LRBA: variants seen among roughly 807,000 people sequenced by gnomAD.
LRBA encodes the protein LPS responsive beige-like anchor protein, also known as lipopolysaccharide-responsive and beige-like anchor protein.
LRBA carries 176 observed loss-of-function variants against 330.0 expected under a neutral mutation model. That is an observed-to-expected ratio of 0.53 (90% CI 0.47 to 0.60). The LOEUF (loss-of-function observed/expected upper bound fraction) is 0.60, where lower values mean the gene tolerates loss of function less well. LRBA is among the 20% of genes least tolerant of loss of function. The pLI is 0.00. For synonymous variants in LRBA, 1,230 were observed against 1,193.0 expected (o/e 1.03, Z -0.64); for missense variants, 3,259 against 3,444.8 (o/e 0.95, Z 1.35).
chr4:150,653,192 T>C (rs897255240), intron 37 of LRBA, among the ~76,000 whole-genome samples: 2 of 152,046 alleles, frequency 1.3e-5, no homozygotes, highest in Admixed American at 1.3e-4. Context: ...AAAATAAACT[T>C]TCTCTCATCA....
At chr4:150,963,302 C>G (rs1738384099) in intron 2 of LRBA, among the ~76,000 whole-genome samples, 1 of 149,222 alleles carries the variant, frequency 6.7e-6, no homozygotes, top group Non-Finnish European at 1.5e-5. Flanking sequence ...TCTCCTGCCT[C>G]AGCCTGCCGA....
intron 47 of LRBA, among the ~76,000 whole-genome samples, chr4:150,380,178 T>C (rs1201435497): frequency 7.3e-6 from 1 of 137,628 alleles, no homozygotes; most frequent in Non-Finnish European, 1.6e-5. Context: ...AAACTCTGTC[T>C]CAAAAAAACA....
At chr4:150,435,797 A>C in intron 45 of LRBA, 89 bp from the exon 46 acceptor site, 20 of 888,134 alleles carry the variant, frequency 2.3e-5, no homozygotes, top group Non-Finnish European at 3.4e-5. Flanking sequence ...TACTTTAATG[A>C]CTAATAGGCA....
chr4:150,896,601 T>A (rs747207731), intron 15 of LRBA, 145 bp from the exon 16 acceptor site: 6 of 495,044 alleles, frequency 1.2e-5, no homozygotes, highest in Admixed American at 4.1e-5. Context: ...AAACAAAAAT[T>A]TGGGGAAGCA....
chr4:150,382,440 A>G (rs1742409376), intron 47 of LRBA, among the ~76,000 whole-genome samples: 1 of 152,064 alleles, frequency 6.6e-6, no homozygotes, highest in South Asian at 2.1e-4. Flanking sequence ...CCTAGCCAAC[A>G]CGGTGAAACC....
intron 56 of LRBA, among the ~76,000 whole-genome samples, chr4:150,270,160 T>C (rs1745875611): frequency 6.6e-6 from 1 of 152,162 alleles, no homozygotes; most frequent in Non-Finnish European, 1.5e-5. Flanking sequence ...ACTTTAGGGT[T>C]TCCTCAAAAA....
At chr4:150,622,856 C>A (rs6849364) in intron 37 of LRBA, among the ~76,000 whole-genome samples, 9,863 of 152,068 alleles carry the variant, frequency 0.065, 536 homozygotes, top group East Asian at 0.18. Context: ...CGCCACCGCG[C>A]CCAGCTAATT....
intron 22 of LRBA, among the ~76,000 whole-genome samples, chr4:150,863,840 A>G (rs1752312100): frequency 1.3e-5 from 2 of 152,216 alleles, no homozygotes; most frequent in Admixed American, 1.3e-4. Flanking sequence ...TTTTGTATAT[A>G]GGGAACTCAA....
chr4:150,970,049 G>C lies in LRBA; in HGVS notation c.217-40984C>G, dbSNP rs184153501. ...TTTAACAACTTTTCACAGCCACTGA[G>C]CAACCACCACCCTGATCGAGGCAAA... On this transcript the variant is annotated intron_variant, in intron 2 of 56. Transcript: ENST00000651943. Among the ~76,000 whole-genome samples the C allele has an allele frequency of 2.0e-5, 3 of 152,288 alleles. No individual in the cohort carries two copies. In the East Asian group the frequency reaches 5.8e-4, roughly 29 times the overall value.
intron 2 of LRBA, among the ~76,000 whole-genome samples, chr4:150,972,197 A>G (rs903444148): frequency 2.0e-5 from 3 of 152,164 alleles, no homozygotes; most frequent in African/African-American, 4.8e-5. Flanking sequence ...TTTCTTTTAA[A>G]ATTTCAAATT....
At chr4:150,995,216 G>T (rs997219426) in intron 2 of LRBA, among the ~76,000 whole-genome samples, 1 of 152,044 alleles carries the variant, frequency 6.6e-6, no homozygotes, top group Non-Finnish European at 1.5e-5. Context: ...GAGATTCTGG[G>T]TTGGAAGAGA....
At chr4:150,991,329 A>G (rs1371899881) in intron 2 of LRBA, among the ~76,000 whole-genome samples, 6 of 152,158 alleles carry the variant, frequency 3.9e-5, no homozygotes, top group African/African-American at 1.4e-4. Context: ...CATTTACCAT[A>G]CCAAGCACAC....
chr4:150,640,308 ACATCATACCTC>A (rs1284643802), intron 37 of LRBA, among the ~76,000 whole-genome samples: 21 of 152,178 alleles, frequency 1.4e-4, no homozygotes, highest in African/African-American at 4.3e-4. Context: ...GACAAATCAT[ACATCATACCTC>A]TATCAGTCTG....
At chr4:150,675,545 C>T (rs1188739445) in intron 37 of LRBA, among the ~76,000 whole-genome samples, 2 of 151,746 alleles carry the variant, frequency 1.3e-5, no homozygotes, top group Non-Finnish European at 2.9e-5. Context: ...GGTGAAACCC[C>T]GTCTCTACTA....
At chr4:150,965,428 G>C (rs539447879) in intron 2 of LRBA, among the ~76,000 whole-genome samples, 2 of 152,168 alleles carry the variant, frequency 1.3e-5, no homozygotes, top group Non-Finnish European at 2.9e-5. Flanking sequence ...AAACATACAA[G>C]TATTTACATT....
chr4:150,909,290 C>A (rs1220784703), intron 9 of LRBA, among the ~76,000 whole-genome samples: 1 of 152,132 alleles, frequency 6.6e-6, no homozygotes, highest in Non-Finnish European at 1.5e-5. Context: ...ATTTCCTGCT[C>A]CCCACCAGCC....
chr4:150,622,577 A>C (rs1776400587), intron 37 of LRBA, among the ~76,000 whole-genome samples: 2 of 152,170 alleles, frequency 1.3e-5, no homozygotes, highest in South Asian at 2.1e-4. Flanking sequence ...CTGGAAGGTA[A>C]AATCCCAGAC....
chr4:150,893,666 TTTTTTTGTTTTTTG>T (rs528393147), intron 16 of LRBA, among the ~76,000 whole-genome samples: 6 of 151,896 alleles, frequency 4.0e-5, no homozygotes, highest in Non-Finnish European at 8.8e-5. Flanking sequence ...AATTTCTTTG[TTTTTTTGTTTTTTG>T]TTTTTTGTTT....
intron 36 of LRBA, among the ~76,000 whole-genome samples, chr4:150,704,483 A>T (rs944058914): frequency 6.6e-6 from 1 of 151,994 alleles, no homozygotes; most frequent in Non-Finnish European, 1.5e-5. Flanking sequence ...ATCTAAATCA[A>T]ATTTTTCTTA....
Sources: allele counts gnomAD v4.1 joint callset (sites outside exome capture counted in the v4.1 genomes callset), GRCh38; gene constraint gnomAD v4.1.1; transcripts MANE v1.5; gene names NCBI Gene and HGNC (gene_info 2026-07-23, HGNC 2026-07-21).